Variants in GCSAML observed in about 807,000 individuals in gnomAD.
The protein encoded by GCSAML is germinal center-associated signaling and motility-like protein.
A neutral mutation model predicts 13.0 loss-of-function variants in GCSAML; 9 were observed. That is an observed-to-expected ratio of 0.69 (90% CI 0.42 to 1.21). GCSAML has a LOEUF of 1.21. Among genes scored for constraint, GCSAML ranks in the 50% most tolerant of loss-of-function variants. The pLI is 0.00. For missense variants in GCSAML, 143 were observed against 153.4 expected (o/e 0.93, Z 0.36); for synonymous variants, 37 against 52.9 (o/e 0.70, Z 1.31).
chr1:247,509,760 CAT>C (rs1665958007), intron 1 of GCSAML, among the ~76,000 whole-genome samples: 1 of 152,114 alleles, frequency 6.6e-6, no homozygotes, highest in African/African-American at 2.4e-5. Flanking sequence ...TTTAGATAAT[CAT>C]GTGGTTTTTG....
chr1:247,534,563 A>G (rs1667139099), intron 2 of GCSAML, among the ~76,000 whole-genome samples: 1 of 152,200 alleles, frequency 6.6e-6, no homozygotes, highest in Non-Finnish European at 1.5e-5. Flanking sequence ...GGACAATTTC[A>G]GTGTGCTTCC....
intron 1 of GCSAML, among the ~76,000 whole-genome samples, chr1:247,519,566 C>G (rs769181083): frequency 4.6e-5 from 7 of 152,212 alleles, no homozygotes; most frequent in Non-Finnish European, 7.3e-5. Flanking sequence ...GTTTCCTTTA[C>G]ATTTCAGGTT....
chr1:247,551,290 G>T (rs1667769714), intron 1 of GCSAML, among the ~76,000 whole-genome samples: 1 of 152,184 alleles, frequency 6.6e-6, no homozygotes, highest in African/African-American at 2.4e-5. Context: ...AGGAAAAGAT[G>T]GTCCAAGCTG....
chr1:247,551,203 G>A (rs1278490342), intron 1 of GCSAML, among the ~76,000 whole-genome samples: 2 of 152,176 alleles, frequency 1.3e-5, no homozygotes, highest in African/African-American at 4.8e-5. Flanking sequence ...TTCTGGTTTG[G>A]GATAGCAGGA....
upstream of GCSAML, among the ~76,000 whole-genome samples, chr1:247,548,847 A>G (rs1201039569): frequency 1.3e-5 from 2 of 152,164 alleles, no homozygotes; most frequent in East Asian, 1.9e-4. The surrounding 1 kb of genome is among the most constrained non-coding windows in gnomAD (Gnocchi z 5.3). Context: ...TCGTCTTGCA[A>G]TACTAGAATT....
intron 4 of GCSAML, among the ~76,000 whole-genome samples, chr1:247,572,828 C>A (rs12133926): frequency 0.18 from 27,833 of 152,160 alleles, 2,764 homozygotes; most frequent in Middle Eastern, 0.23. Flanking sequence ...TCTGTAAGCC[C>A]CTGACTGGGG....
intron 2 of GCSAML, 86 bp downstream of exon 2, chr1:247,556,552 G>C (rs1667958937): frequency 2.2e-6 from 2 of 899,526 alleles, no homozygotes; most frequent in African/African-American, 3.4e-5. Flanking sequence ...TGCCCCACTA[G>C]AACTAACACC....
intron 1 of GCSAML, among the ~76,000 whole-genome samples, chr1:247,513,133 T>C (rs1043407621): frequency 2.6e-5 from 4 of 152,192 alleles, no homozygotes; most frequent in African/African-American, 9.7e-5. Flanking sequence ...CCAGGTGCTC[T>C]GTCCCAGGGA....
At chr1:247,546,477 G>A (rs1667578771), upstream of GCSAML, among the ~76,000 whole-genome samples, 1 of 152,070 alleles carries the variant, frequency 6.6e-6, no homozygotes. Flanking sequence ...TCCTGCCTCA[G>A]CCTCCCGAGT....
Position 247,574,155 on chromosome 1 carries a change from G to A in GCSAML, c.181G>A (p.Gly61Ser). The part of the protein sequence containing the change: ...SSTSNQENEN[G>S]SGSEEVCYTV... ...TTGTGCTTGGCAGGAAAACGAGAAT[G>A]GCAGTGGTTCTGAAGAAGTGTGCTA... Residue 61 changes from glycine to serine, a missense_variant, in exon 5 of 5, where the codon GGC (glycine) becomes AGC (serine). Gly to Ser is a moderately conservative substitution (Grantham distance 56, BLOSUM62 0). Coordinates refer to ENST00000366488, the MANE Select transcript of GCSAML (RefSeq NM_145278.5). The A allele has an allele frequency of 4.3e-6, 7 of 1,613,996 alleles. No homozygotes were observed. The highest frequency in any genetic ancestry group is 5.9e-6 in the Non-Finnish European group (7 of 1,179,966).
At chr1:247,545,320 A>G (rs1165983899), upstream of GCSAML, among the ~76,000 whole-genome samples, 6 of 152,218 alleles carry the variant, frequency 3.9e-5, no homozygotes, top group Non-Finnish European at 8.8e-5. Context: ...CCTGTTGTAG[A>G]TTTAATATTA....
At chr1:247,510,461 G>A (rs1331565814) in intron 1 of GCSAML, among the ~76,000 whole-genome samples, 1 of 151,992 alleles carries the variant, frequency 6.6e-6, no homozygotes, top group Non-Finnish European at 1.5e-5. Flanking sequence ...ACCAGCTCCT[G>A]GAGTCATTGA....
rs576827329 is a variant in GCSAML, at chr1:247,534,750, G to C, written c.-148+7696G>C. Among the ~76,000 whole-genome samples, 8 of 152,286 alleles carry C rather than the reference G, an allele frequency of 5.3e-5. 1 individual carries two copies. The South Asian group carries it at 1.5e-3, about 28-fold the overall frequency. On this transcript the variant is annotated intron_variant, in intron 2 of 5. Coordinates refer to the GCSAML transcript ENST00000366489. ...CAGAGAGTAGAATTTACCTATCCCT[G>C]TAACTGGAAGTCAATTAAACAAAAT...
At chr1:247,531,993 A>G (rs766205072) in intron 2 of GCSAML, 20 of 1,613,988 alleles carry the variant, frequency 1.2e-5, no homozygotes, top group Admixed American at 1.7e-5. Flanking sequence ...GGTCGATGCA[A>G]TTGTTCCCAC....
rs771854411 is a variant in GCSAML at position 247,527,025 on chromosome 1, T to C, written c.-177T>C. 1 of 456,752 alleles carries C rather than the reference T, an allele frequency of 2.2e-6. No individual in the cohort carries two copies. Among genetic ancestry groups the C allele is most frequent in the South Asian group, 1.5e-5 (1 of 64,570 alleles). The allele number at this position is 456,752 out of a possible 1,614,324, so 28.3% of individuals were successfully genotyped here. A position where few individuals can be genotyped will look rare whatever the true frequency, so the allele number is the denominator to read the frequency against. Reference sequence around the variant, plus strand: ...CAGAAATTGTGTGGAATGCCTGGTGTTTCTTTCAGTTCTTGGATGCCAATC... The same window carrying C: ...CAGAAATTGTGTGGAATGCCTGGTGCTTCTTTCAGTTCTTGGATGCCAATC... On this transcript the variant is annotated 5_prime_UTR_variant, in exon 2 of 6. Transcript: ENST00000366489. The surrounding 1 kb of genome is among the most constrained non-coding windows in gnomAD (Gnocchi z 4.6).
Sources: gnomAD v4.1 joint callset for allele counts (sites outside exome capture counted in the v4.1 genomes callset) on GRCh38, gnomAD v4.1.1 for gene constraint, Gnocchi (gnomAD v3.1) non-coding constraint, MANE v1.5 for transcripts, NCBI Gene and HGNC (gene_info 2026-07-23, HGNC 2026-07-21) for gene names.